The following UGT2A3 variants were observed in gnomAD, a reference collection of about 807,000 sequenced individuals.
The protein encoded by UGT2A3 is UDP glucuronosyltransferase family 2 member A3.
UGT2A3 carries 55 observed loss-of-function variants against 44.1 expected under a neutral mutation model. The ratio of observed to expected loss-of-function variants is 1.25; its 90% CI spans 1.00 to 1.56. The LOEUF (loss-of-function observed/expected upper bound fraction) is 1.56. Ranked by LOEUF, UGT2A3 falls within the 40% of genes most tolerant of loss-of-function variation. UGT2A3 has a pLI of 0.00. For missense variants in UGT2A3, 733 were observed against 621.6 expected, an observed-to-expected ratio of 1.18 and a Z score of -1.91; for synonymous variants, 243 against 215.1, an observed-to-expected ratio of 1.13 and a Z score of -1.13.
chr4:68,941,961 T>G (rs1252506512), intron 2 of UGT2A3, among the ~76,000 whole-genome samples: 1 of 151,750 alleles, frequency 6.6e-6, no homozygotes, highest in Non-Finnish European at 1.5e-5. Context: ...TTATGGCTAT[T>G]ATCAAAAGGC....
chr4:68,932,465 A>G (rs1717771116), intron 3 of UGT2A3, among the ~76,000 whole-genome samples, 163 bp downstream of exon 3: 1 of 151,954 alleles, frequency 6.6e-6, no homozygotes, highest in African/African-American at 2.4e-5. Context: ...TAACAGCAAG[A>G]CTCAGTAGGC....
At chr4:68,932,030 C>T (rs1179130040) in intron 3 of UGT2A3, among the ~76,000 whole-genome samples, 1 of 151,772 alleles carries the variant, frequency 6.6e-6, no homozygotes, top group Non-Finnish European at 1.5e-5. Context: ...TTATATATAG[C>T]ACTATCTAAA....
chr4:68,936,174 C>A (rs773790388), intron 2 of UGT2A3, among the ~76,000 whole-genome samples: 1 of 152,036 alleles, frequency 6.6e-6, no homozygotes, highest in Admixed American at 6.6e-5. Context: ...CCCAACCTAG[C>A]GAGGCAGGCC....
At chr4:68,938,227 A>G (rs1177388672) in intron 2 of UGT2A3, among the ~76,000 whole-genome samples, 5 of 152,092 alleles carry the variant, frequency 3.3e-5, no homozygotes, top group Admixed American at 6.6e-5. Context: ...TCGTCCTGAT[A>G]CCAAAGCCTG....
At chr4:68,934,748 C>T (rs934970061) in intron 2 of UGT2A3, among the ~76,000 whole-genome samples, 1 of 22,534 alleles carries the variant, frequency 4.4e-5, no homozygotes, top group Non-Finnish European at 3.9e-4. Flanking sequence ...CCTGTCTCAG[C>T]TACTCAGGAA....
chr4:68,951,150 G>A lies in UGT2A3; in HGVS notation c.611C>T (p.Thr204Ile). 6.2e-7 allele frequency: 1 copy of A among 1,611,840 alleles called. No homozygotes were observed. The highest frequency in any genetic ancestry group is 8.5e-7 in the Non-Finnish European group (1 of 1,178,944). Reference protein sequence around the residue: ...VPMTGLTDRMTFLERVKNSML... With the variant: ...VPMTGLTDRMIFLERVKNSML... ...TGAATTTTTTACTCTTTCCAGAAAG[G>A]TCATTCTGTCTGTTAGTCCTGTCAT... The change falls in exon 1 of 6, where the codon ACC becomes ATC. Residue 204 changes from threonine (T) to isoleucine (I), a missense_variant. Physicochemically the swap from Thr to Ile is moderately conservative, Grantham distance 89. Transcript: ENST00000251566.
chr4:68,930,738 G>A lies in UGT2A3; in HGVS notation c.1112C>T (p.Thr371Ile), dbSNP rs558964926. The stretch of plus-strand genomic sequence containing the variant: ...ATAGATCCCATTCATTCCACCATGA[G>A]TGATAAAAGCTTTGGTTTTGGGATG... ...LGHPKTKAFI[T>I]HGGMNGIYEA... Residue 371 changes from threonine (T) to isoleucine (I), a missense_variant, in exon 5 of 6, where the codon ACT becomes ATT. By Grantham distance (89) the Thr-to-Ile change is moderately conservative. Transcript: ENST00000251566. 8.7e-6 allele frequency: 14 copies of A among 1,604,790 alleles called. No homozygotes were observed. In the South Asian group the frequency reaches 1.6e-4, roughly 18 times the overall value.
At chr4:68,943,923 C>G (rs1718283825) in intron 2 of UGT2A3, among the ~76,000 whole-genome samples, 1 of 151,754 alleles carries the variant, frequency 6.6e-6, no homozygotes, top group Admixed American at 6.6e-5. Context: ...ATTGGAAACC[C>G]ACCTAGGTAA....
intron 2 of UGT2A3, among the ~76,000 whole-genome samples, chr4:68,935,365 T>C (rs1216061163): frequency 6.7e-6 from 1 of 148,282 alleles, no homozygotes; most frequent in Non-Finnish European, 1.5e-5. Flanking sequence ...CAATATTTGC[T>C]GTTCTGCAGT....
At chr4:68,943,960 G>A (rs1718284673) in intron 2 of UGT2A3, among the ~76,000 whole-genome samples, 1 of 151,752 alleles carries the variant, frequency 6.6e-6, no homozygotes, top group South Asian at 2.1e-4. Context: ...TAACATTTTG[G>A]CACATAGATC....
chr4:68,931,257 C>A lies in UGT2A3; in HGVS notation c.997-15G>T, dbSNP rs781511130. The A allele has an allele frequency of 6.3e-6, 10 of 1,599,682 alleles. No homozygotes were observed. The highest frequency in any genetic ancestry group is 4.0e-5 in the African/African-American group (3 of 74,488). On this transcript the variant is annotated splice_polypyrimidine_tract_variant and intron_variant, in intron 3 of 5. Transcript: ENST00000251566. Reference sequence around the variant, plus strand: ...CTCCATAACACCTACGGAAGAAACACATGTATTTCACAGAGTGAACCACAG... The same window carrying A: ...CTCCATAACACCTACGGAAGAAACAAATGTATTTCACAGAGTGAACCACAG...
rs553027772 is a variant in UGT2A3, at chr4:68,928,578, A to G, written c.*1235T>C. The G allele has an allele frequency of 6.6e-6, 1 of 152,134 alleles. No individual in the cohort carries two copies. The highest frequency in any genetic ancestry group is 2.4e-5 in the African/African-American group (1 of 41,564). The allele number at this position is 152,134 out of a possible 1,614,324, so 9.4% of individuals were successfully genotyped here. A position where few individuals can be genotyped will look rare whatever the true frequency, so the allele number is the denominator to read the frequency against. ...TGAAATTAATTTGTAGATATACCTAATCAACATCTGTAAGAATTTCAAAAT... is the reference window on the plus strand; with the variant it reads ...TGAAATTAATTTGTAGATATACCTAGTCAACATCTGTAAGAATTTCAAAAT... On this transcript the variant is annotated 3_prime_UTR_variant, in exon 6 of 6. Coordinates refer to ENST00000251566, the MANE Select transcript of UGT2A3 (RefSeq NM_024743.4).
chr4:68,940,439 A>G (rs1000924900), intron 2 of UGT2A3, among the ~76,000 whole-genome samples: 3 of 152,052 alleles, frequency 2.0e-5, no homozygotes, highest in African/African-American at 7.2e-5. Flanking sequence ...TCAGCAAACT[A>G]TCACAAGGAT....
chr4:68,930,872 G>C, intron 4 of UGT2A3, 107 bp from the exon 5 acceptor site: 2 of 995,608 alleles, frequency 2.0e-6, no homozygotes, highest in Non-Finnish European at 2.9e-6. Flanking sequence ...GAAGCGTACA[G>C]CACTTTCTTT....
intron 1 of UGT2A3, among the ~76,000 whole-genome samples, chr4:68,949,976 T>G (rs1718519528): frequency 1.3e-5 from 2 of 151,946 alleles, no homozygotes; most frequent in Non-Finnish European, 2.9e-5. Flanking sequence ...AAAATGCTCT[T>G]TCACCCCTTT....
At chr4:68,943,390 A>C in intron 2 of UGT2A3, 1 of 1,110,544 alleles carries the variant, frequency 9.0e-7, no homozygotes, top group Non-Finnish European at 1.2e-6. Context: ...TGGTAAGTAA[A>C]GTGATATTAA....
intron 2 of UGT2A3, among the ~76,000 whole-genome samples, chr4:68,936,714 T>A (rs538161597): frequency 6.4e-4 from 97 of 151,676 alleles, no homozygotes; most frequent in African/African-American, 2.2e-3. Context: ...CATAACAATA[T>A]TAACCTAAAA....
Position 68,951,177 on chromosome 4 carries a change from G to T in UGT2A3, c.584C>A (p.Pro195His), listed in dbSNP as rs765713131. Residue 195 changes from proline (P) to histidine (H), a missense_variant, in exon 1 of 6, where the codon CCT becomes CAT. Pro to His is a moderately conservative substitution (Grantham distance 77). Transcript: ENST00000251566. ...CATTCTGTCTGTTAGTCCTGTCATA[G>T]GCACAGGTACATAGGAAAGTGGAGC... is the stretch of plus-strand genomic sequence containing the variant. Reference protein sequence around the residue: ...LPAPLSYVPVPMTGLTDRMTF... With the variant: ...LPAPLSYVPVHMTGLTDRMTF... 6.2e-7 allele frequency: 1 copy of T among 1,612,048 alleles called. No homozygotes were observed. The highest frequency in any genetic ancestry group is 1.1e-5 in the South Asian group (1 of 91,000).
intron 2 of UGT2A3, among the ~76,000 whole-genome samples, chr4:68,941,441 A>G (rs562716188): frequency 6.4e-4 from 97 of 152,074 alleles, no homozygotes; most frequent in Non-Finnish European, 1.1e-3. Flanking sequence ...ATCCACATGC[A>G]GAAAATGAAA....
Sources: gnomAD v4.1 joint callset for allele counts (sites outside exome capture counted in the v4.1 genomes callset) on GRCh38, gnomAD v4.1.1 for gene constraint, MANE v1.5 for transcripts, NCBI Gene and HGNC (gene_info 2026-07-23, HGNC 2026-07-21) for gene names.